The following SLIT2 variants were observed in gnomAD, a reference collection of about 807,000 sequenced individuals.
SLIT2 encodes slit guidance ligand 2, also known as slit homolog 2 protein.
In SLIT2, 41 loss-of-function variants were observed where a neutral mutation model predicts 185.7. The ratio of observed to expected loss-of-function variants is 0.22; its 90% CI spans 0.17 to 0.29. The LOEUF is 0.29. Ranked by LOEUF, SLIT2 falls within the 10% of genes least tolerant of loss-of-function variation. The pLI is 1.00. For missense variants in SLIT2, 1,571 were observed against 1,909.0 expected, an observed-to-expected ratio of 0.82 and a Z score of 3.30; for synonymous variants, 693 against 680.2, an observed-to-expected ratio of 1.02 and a Z score of -0.29.
At chr4:20,573,606 T>G (rs182554749) in intron 29 of SLIT2, among the ~76,000 whole-genome samples, 50 of 152,298 alleles carry the variant, frequency 3.3e-4, no homozygotes, top group African/African-American at 1.2e-3. Context: ...AAACATATTA[T>G]TTTTGGAATG....
intron 4 of SLIT2, among the ~76,000 whole-genome samples, chr4:20,422,501 A>G (rs1474441292): frequency 1.3e-5 from 2 of 152,202 alleles, no homozygotes; most frequent in Non-Finnish European, 2.9e-5. Flanking sequence ...AAAGCTGGCA[A>G]TTTCAAATGA....
At chr4:20,579,811 T>C (rs1010310871) in intron 29 of SLIT2, among the ~76,000 whole-genome samples, 1 of 151,672 alleles carries the variant, frequency 6.6e-6, no homozygotes, top group Non-Finnish European at 1.5e-5. Flanking sequence ...GACCATATAC[T>C]ATCTTCATTA....
At chr4:20,306,446 C>A (rs753216179) in intron 4 of SLIT2, among the ~76,000 whole-genome samples, 8 of 152,078 alleles carry the variant, frequency 5.3e-5, no homozygotes, top group Non-Finnish European at 7.4e-5. Context: ...TAATATATAG[C>A]AATTTATATT....
intron 4 of SLIT2, among the ~76,000 whole-genome samples, chr4:20,342,447 A>G (rs988727595): frequency 1.3e-5 from 2 of 152,000 alleles, no homozygotes; most frequent in Non-Finnish European, 2.9e-5. Flanking sequence ...TTACCACATC[A>G]TTTTTCCCAT....
chr4:20,309,506 A>G (rs1717881977), intron 4 of SLIT2, among the ~76,000 whole-genome samples: 1 of 151,874 alleles, frequency 6.6e-6, no homozygotes, highest in Non-Finnish European at 1.5e-5. Context: ...GTCTTCAAAT[A>G]TGCTTAAAAT....
At chr4:20,581,231 C>T (rs1726537460) in intron 29 of SLIT2, among the ~76,000 whole-genome samples, 1 of 152,188 alleles carries the variant, frequency 6.6e-6, no homozygotes, top group Non-Finnish European at 1.5e-5. Context: ...TTCATATCAT[C>T]TTCCCTCTAT....
chr4:20,372,916 A>G (rs1249590936), intron 4 of SLIT2, among the ~76,000 whole-genome samples: 2 of 152,120 alleles, frequency 1.3e-5, no homozygotes, highest in Non-Finnish European at 2.9e-5. Flanking sequence ...AATGGAGAGA[A>G]GTTGCCTTTA....
Position 20,484,451 on chromosome 4 carries a change from T to C in SLIT2, c.540-1749T>C, listed in dbSNP as rs898195916. Among the ~76,000 whole-genome samples the C allele has an allele frequency of 3.3e-5, 5 of 152,162 alleles. No homozygotes were observed. The highest frequency in any genetic ancestry group is 1.2e-4 in the African/African-American group (5 of 41,500). ...TGTAGGTCCCCCATAAAGTGGTTTATTTTTTGTGACTTAATTCAAATGACT... is the reference window on the plus strand; with the variant it reads ...TGTAGGTCCCCCATAAAGTGGTTTACTTTTTGTGACTTAATTCAAATGACT... On this transcript the variant is annotated intron_variant, in intron 6 of 36. Coordinates refer to ENST00000504154, the MANE Select transcript of SLIT2 (RefSeq NM_004787.4). The surrounding 1 kb of genome is among the most constrained non-coding windows in gnomAD (Gnocchi z 4.3).
intron 4 of SLIT2, among the ~76,000 whole-genome samples, chr4:20,456,102 G>T (rs1297833079): frequency 6.6e-6 from 1 of 152,086 alleles, no homozygotes; most frequent in Non-Finnish European, 1.5e-5. Context: ...AAGCCTTGCT[G>T]TTCTCAAACA....
chr4:20,288,432 G>A (rs1046986540), intron 4 of SLIT2, among the ~76,000 whole-genome samples: 7 of 152,186 alleles, frequency 4.6e-5, no homozygotes, highest in Admixed American at 6.5e-5. Flanking sequence ...ACACATTACT[G>A]AGTGCATGTG....
chr4:20,600,413 ATTTTTT>A (rs1281627568), intron 33 of SLIT2, among the ~76,000 whole-genome samples: 2 of 89,510 alleles, frequency 2.2e-5, no homozygotes, highest in South Asian at 3.8e-4. Flanking sequence ...ATTATGTTGC[ATTTTTT>A]TTTTTTTTTT....
At chr4:20,255,861 T>C (rs1411038698) in intron 1 of SLIT2, among the ~76,000 whole-genome samples, 8 of 152,198 alleles carry the variant, frequency 5.3e-5, no homozygotes, top group Admixed American at 5.2e-4. Context: ...GATATAGAGC[T>C]TACTTCTATG....
intron 4 of SLIT2, among the ~76,000 whole-genome samples, chr4:20,395,074 G>A (rs1000600316): frequency 2.6e-5 from 4 of 151,902 alleles, no homozygotes; most frequent in Non-Finnish European, 5.9e-5. Context: ...TTTACTCTAA[G>A]ATAAACAAGA....
intron 4 of SLIT2, among the ~76,000 whole-genome samples, chr4:20,454,120 G>A (rs938540485): frequency 7.9e-5 from 12 of 152,258 alleles, no homozygotes; most frequent in African/African-American, 2.4e-4. Context: ...AGGATAGAAA[G>A]CATTGATGGT....
chr4:20,374,820 G>A (rs79884102), intron 4 of SLIT2, among the ~76,000 whole-genome samples: 2,262 of 152,046 alleles, frequency 0.015, 54 homozygotes, highest in African/African-American at 0.05. Context: ...TGGTTTCTTC[G>A]CTGTGACAAT....
At chr4:20,337,933 TG>T in intron 4 of SLIT2, among the ~76,000 whole-genome samples, 1 of 152,066 alleles carries the variant, frequency 6.6e-6, no homozygotes. Context: ...GATTTTTCAG[TG>T]GAAAAAACCC....
chr4:20,317,247 A>G (rs978407373), intron 4 of SLIT2, among the ~76,000 whole-genome samples: 1 of 151,984 alleles, frequency 6.6e-6, no homozygotes, highest in African/African-American at 2.4e-5. Context: ...GTATATTTAC[A>G]TTTAATTTAT....
At chr4:20,405,064 C>T (rs528943507) in intron 4 of SLIT2, among the ~76,000 whole-genome samples, 45 of 151,784 alleles carry the variant, frequency 3.0e-4, no homozygotes, top group Non-Finnish European at 4.9e-4. Flanking sequence ...ATGTTCTATG[C>T]CAGATATTCT....
intron 4 of SLIT2, among the ~76,000 whole-genome samples, chr4:20,304,464 C>T (rs1476905206): frequency 6.6e-6 from 1 of 152,102 alleles, no homozygotes; most frequent in Non-Finnish European, 1.5e-5. Flanking sequence ...TTTTCATGCC[C>T]TTGTGTAGTG....
Sources: allele counts gnomAD v4.1 joint callset (sites outside exome capture counted in the v4.1 genomes callset), GRCh38; gene constraint gnomAD v4.1.1; non-coding constraint Gnocchi (gnomAD v3.1); transcripts MANE v1.5; gene names NCBI Gene and HGNC (gene_info 2026-07-23, HGNC 2026-07-21).